Variants in UTP25 observed in about 807,000 individuals in gnomAD.
UTP25 encodes the protein UTP25 small subunit processome component, also known as U3 small nucleolar RNA-associated protein 25 homolog.
Under a neutral mutation model 78.9 loss-of-function variants are expected in UTP25, and 50 were observed. The ratio of observed to expected loss-of-function variants is 0.63; its 90% CI spans 0.50 to 0.80. UTP25 has a LOEUF of 0.80. Among genes scored for constraint, UTP25 ranks in the 30% least tolerant of loss-of-function variants. The pLI is 0.00. For missense variants in UTP25, 846 were observed against 911.3 expected, an observed-to-expected ratio of 0.93 and a Z score of 0.92; for synonymous variants, 329 against 336.5, an observed-to-expected ratio of 0.98 and a Z score of 0.24.
At position 209,843,367 on chromosome 1, in the gene UTP25, G is replaced by C. The variant is rs2078178093; in HGVS notation, c.1782-84G>C. 2.0e-6 allele frequency: 3 copies of C among 1,509,296 alleles called. No individual in the cohort carries two copies. In the African/African-American group the frequency reaches 4.2e-5, roughly 21 times the overall value. The allele number at this position is 1,509,296 out of a possible 1,614,324, so 93.5% of individuals were successfully genotyped here. ...GGAGGTAATCTTTTAACACGAGATTGTAATTTGCTCAGGGTCACACAGTTA... is the reference window on the plus strand; with the variant it reads ...GGAGGTAATCTTTTAACACGAGATTCTAATTTGCTCAGGGTCACACAGTTA... On this transcript the variant is annotated intron_variant, in intron 10 of 11. Coordinates refer to ENST00000491415, the MANE Select transcript of UTP25 (RefSeq NM_014388.7).
intron 11 of UTP25, among the ~76,000 whole-genome samples, chr1:209,846,193 C>T (rs1257836070): frequency 2.0e-5 from 3 of 152,032 alleles, no homozygotes; most frequent in South Asian, 2.1e-4. Flanking sequence ...TAGTATCTGA[C>T]TCTGTTTTTA....
chr1:209,833,667 G>C (rs548164569), intron 4 of UTP25, among the ~76,000 whole-genome samples: 4 of 152,026 alleles, frequency 2.6e-5, no homozygotes, highest in African/African-American at 9.6e-5. Context: ...GAAAGAAAAA[G>C]AGGAAAAAAT....
At position 209,830,904 on chromosome 1, in the gene UTP25, TGAGGAAGAA is replaced by T. The variant is rs780433959; in HGVS notation, c.258_266del (p.Glu86_Glu88del). The T allele has an allele frequency of 5.6e-6, 9 of 1,613,932 alleles. No homozygotes were observed. Among genetic ancestry groups the T allele is most frequent in the Admixed American group, 3.3e-5 (2 of 60,004 alleles). Reference sequence around the variant, plus strand: ...TACTTGCTACATTAAAGAATGTTTCTGAGGAAGAAGAGGAAGATGAGGAGGAGGAAGAGG... The same window carrying T: ...TACTTGCTACATTAAAGAATGTTTCTGAGGAAGATGAGGAGGAGGAAGAGG... On this transcript the variant is annotated inframe_deletion, in exon 3 of 12. Coordinates refer to ENST00000491415, the MANE Select transcript of UTP25 (RefSeq NM_014388.7).
In UTP25 at chr1:209,832,863, G is replaced by A. The variant is rs138722160; in HGVS notation, c.389-322G>A. Among the ~76,000 whole-genome samples the A allele has an allele frequency of 7.2e-5, 11 of 152,242 alleles. No individual in the cohort carries two copies. The East Asian group carries it at 2.1e-3, about 29-fold the overall frequency. ...GACACCACTGCACTGCAGCCTGGGT[G>A]ACAGAGCCAGACCCTGTCTCAATAT... On this transcript the variant is annotated intron_variant, in intron 3 of 11. Transcript: ENST00000491415.
intron 10 of UTP25, 57 bp from the exon 11 acceptor site, chr1:209,843,394 G>T: frequency 6.3e-7 from 1 of 1,593,604 alleles, no homozygotes; most frequent in Non-Finnish European, 8.6e-7. Context: ...ACACAGTTAA[G>T]AGACACCATA....
At chr1:209,835,049 G>A (rs1187149966) in intron 4 of UTP25, 26 bp from the exon 5 acceptor site, 9 of 1,590,846 alleles carry the variant, frequency 5.7e-6, no homozygotes, top group Non-Finnish European at 7.8e-6. Context: ...TGCATAGTGT[G>A]CTGACATTTT....
chr1:209,843,675 A>G lies in UTP25; in HGVS notation c.2006A>G (p.Glu669Gly). 3 of 1,613,578 alleles carry G rather than the reference A, an allele frequency of 1.9e-6. No individual in the cohort carries two copies. Among genetic ancestry groups the G allele is most frequent in the Non-Finnish European group, 2.5e-6 (3 of 1,179,630 alleles). ...GAGAAACAGTTTCTACTTTTCACAG[A>G]GCGCTTCCATTTCTACAAAAGGTAA... ...QGEKQFLLFT[E>G]RFHFYKRYTI... Residue 669 changes from glutamate to glycine, a missense_variant, in exon 11 of 12, where the codon GAG (glutamate) becomes GGG (glycine). Coordinates refer to ENST00000491415, the MANE Select transcript of UTP25 (RefSeq NM_014388.7).
At chr1:209,828,257 G>T (rs2078080424) in intron 1 of UTP25, 87 bp downstream of exon 1, 1 of 1,012,594 alleles carries the variant, frequency 9.9e-7, no homozygotes, top group Non-Finnish European at 1.5e-6. Flanking sequence ...TGCTGCTCCG[G>T]CCTTTTCCCA....
chr1:209,832,228 G>A (rs1159353417), intron 3 of UTP25, among the ~76,000 whole-genome samples: 1 of 151,952 alleles, frequency 6.6e-6, no homozygotes, highest in Non-Finnish European at 1.5e-5. Context: ...GCTACCCAGA[G>A]ATAAACACCT....
chr1:209,844,572 C>G (rs1259046259), intron 11 of UTP25: 1 of 139,226 alleles, frequency 7.2e-6, no homozygotes, highest in Non-Finnish European at 1.5e-5. Flanking sequence ...GCAGAGGTTG[C>G]AGTTAGCTGA....
rs1234614371 is a variant in UTP25, at chr1:209,854,675, A to G, written c.*3228A>G. The G allele has an allele frequency of 6.6e-6, 1 of 152,352 alleles. No homozygotes were observed. Among genetic ancestry groups the G allele is most frequent in the South Asian group, 2.1e-4 (1 of 4,832 alleles). The allele number at this position is 152,352 out of a possible 1,614,324, so 9.4% of individuals were successfully genotyped here. On this transcript the variant is annotated 3_prime_UTR_variant, in exon 12 of 12. Coordinates refer to ENST00000491415, the MANE Select transcript of UTP25 (RefSeq NM_014388.7). Reference sequence around the variant, plus strand: ...AGCCTTCCCAAGCCCACGTGAGCAGATCTAGGGTCTCAAGATTACAGAAGG... The same window carrying G: ...AGCCTTCCCAAGCCCACGTGAGCAGGTCTAGGGTCTCAAGATTACAGAAGG...
Position 209,840,884 on chromosome 1 carries a change from C to T in UTP25, c.1314C>T (p.Leu438=). The T allele has an allele frequency of 6.2e-7, 1 of 1,613,098 alleles. No individual in the cohort carries two copies. The highest frequency in any genetic ancestry group is 8.5e-7 in the Non-Finnish European group (1 of 1,179,904). Residue 438 remains leucine, a synonymous_variant, in exon 8 of 12, where the codon CTC becomes CTT. Coordinates refer to ENST00000491415, the MANE Select transcript of UTP25 (RefSeq NM_014388.7). ...GVAILQRSIR[L]YAPFYSSDIL... ...CAATACTTCAGAGAAGCATCCGACT[C>T]TATGCCCCGTTTTACTCCTCGGATA... is the stretch of plus-strand genomic sequence containing the variant.
At chr1:209,847,857 C>G (rs1005239226) in intron 11 of UTP25, among the ~76,000 whole-genome samples, 7 of 152,210 alleles carry the variant, frequency 4.6e-5, no homozygotes, top group African/African-American at 1.7e-4. Context: ...AGCCCCCAAC[C>G]ACAAAGAATT....
chr1:209,842,706 C>A lies in UTP25; in HGVS notation c.1781+11C>A. On this transcript the variant is annotated intron_variant, in intron 10 of 11. Transcript: ENST00000491415. ...AGTGATTGATGCCAGGTAACCCACTCCTCCCAGCAGGCCCCTGGGGACCAC... is the reference window on the plus strand; with the variant it reads ...AGTGATTGATGCCAGGTAACCCACTACTCCCAGCAGGCCCCTGGGGACCAC... 1.3e-6 allele frequency: 2 copies of A among 1,597,522 alleles called. No individual in the cohort carries two copies. Among genetic ancestry groups the A allele is most frequent in the Non-Finnish European group, 1.7e-6 (2 of 1,169,406 alleles).
chr1:209,840,641 G>A (rs954650055), intron 7 of UTP25, among the ~76,000 whole-genome samples: 1 of 152,176 alleles, frequency 6.6e-6, no homozygotes, highest in African/African-American at 2.4e-5. Flanking sequence ...CGGAAAGGAA[G>A]AGAAGGTAGA....
rs1165130957 is a variant in UTP25, at chr1:209,852,311, C to T, written c.*864C>T. 1 of 152,154 alleles carries T rather than the reference C, an allele frequency of 6.6e-6. No homozygotes were observed. Among genetic ancestry groups the T allele is most frequent in the Non-Finnish European group, 1.5e-5 (1 of 68,040 alleles). The allele number at this position is 152,154 out of a possible 1,614,324, so 9.4% of individuals were successfully genotyped here. A position where few individuals can be genotyped will look rare whatever the true frequency, so the allele number is the denominator to read the frequency against. On this transcript the variant is annotated 3_prime_UTR_variant, in exon 12 of 12. Transcript: ENST00000491415. Reference sequence around the variant, plus strand: ...AGTTGCCAACCCAGTGGGCCTATCACCTTTAAATACTTTAGTATATATTTC... The same window carrying T: ...AGTTGCCAACCCAGTGGGCCTATCATCTTTAAATACTTTAGTATATATTTC...
chr1:209,837,986 T>C (rs549010793), intron 6 of UTP25, among the ~76,000 whole-genome samples: 1 of 152,294 alleles, frequency 6.6e-6, no homozygotes, highest in East Asian at 1.9e-4. Context: ...CAAACTCCCT[T>C]GTGTAATAGC....
chr1:209,843,778 G>T (rs545556218), intron 11 of UTP25, 82 bp downstream of exon 11: 1 of 1,520,558 alleles, frequency 6.6e-7, no homozygotes. Context: ...TGCATGGCAG[G>T]CTTCGTGGTG....
At chr1:209,833,486 G>T in intron 4 of UTP25, 128 bp downstream of exon 4, 1 of 787,494 alleles carries the variant, frequency 1.3e-6, no homozygotes, top group East Asian at 3.1e-5. Context: ...ATCTAGAGCT[G>T]GGAAAAATAA....
Sources: gnomAD v4.1 joint callset for allele counts (sites outside exome capture counted in the v4.1 genomes callset) on GRCh38, gnomAD v4.1.1 for gene constraint, MANE v1.5 for transcripts, NCBI Gene and HGNC (gene_info 2026-07-23, HGNC 2026-07-21) for gene names.